USH2A: variants seen among roughly 807,000 people sequenced by gnomAD.
USH2A encodes Usher syndrome 2A (autosomal recessive, mild).
A neutral mutation model predicts 538.9 loss-of-function variants in USH2A; 443 were observed. The observed-to-expected ratio is 0.82, with a 90% confidence interval of 0.76 to 0.89. The LOEUF (loss-of-function observed/expected upper bound fraction) is 0.89. USH2A is among the 40% of genes least tolerant of loss of function. USH2A has a pLI of 0.00. For synonymous variants in USH2A, 2,413 were observed against 2,273.5 expected, an observed-to-expected ratio of 1.06 and a Z score of -1.75; for missense variants, 6,633 against 6,324.8, an observed-to-expected ratio of 1.05 and a Z score of -1.65.
chr1:216,112,918 G>C (rs559565241), intron 21 of USH2A, among the ~76,000 whole-genome samples: 3 of 151,828 alleles, frequency 2.0e-5, no homozygotes, highest in Non-Finnish European at 4.4e-5. Flanking sequence ...ATGAACACCC[G>C]CGAGCATGTG....
intron 29 of USH2A, chr1:216,072,581 C>G (rs570645070): frequency 4.9e-6 from 2 of 406,538 alleles, no homozygotes; most frequent in South Asian, 4.3e-5. Flanking sequence ...GTAAAGGTTA[C>G]CTATCCTTAG....
At chr1:216,310,771 C>A (rs76950889) in intron 9 of USH2A, among the ~76,000 whole-genome samples, 2,107 of 152,286 alleles carry the variant, frequency 0.014, 15 homozygotes, top group South Asian at 0.026. Flanking sequence ...ACTGAGTTTT[C>A]TTAAAACTGC....
chr1:215,779,752 T>C, intron 55 of USH2A, 91 bp downstream of exon 55: 4 of 1,478,242 alleles, frequency 2.7e-6, no homozygotes, highest in Non-Finnish European at 3.7e-6. Context: ...AGTGACCTCA[T>C]ATATCAAACA....
chr1:216,283,441 T>C (rs1174312832), intron 11 of USH2A, among the ~76,000 whole-genome samples: 1 of 152,202 alleles, frequency 6.6e-6, no homozygotes, highest in Non-Finnish European at 1.5e-5. Flanking sequence ...ATTTTCTATC[T>C]ATAAGATAAT....
chr1:215,877,734 T>C, intron 43 of USH2A, 24 bp downstream of exon 43: 2 of 1,613,008 alleles, frequency 1.2e-6, no homozygotes, highest in Non-Finnish European at 1.7e-6. Context: ...CCAGCATTTG[T>C]TTTTATAGTT....
At chr1:215,667,958 T>C (rs2102658646) in intron 64 of USH2A, among the ~76,000 whole-genome samples, 1 of 152,172 alleles carries the variant, frequency 6.6e-6, no homozygotes, top group East Asian at 1.9e-4. Flanking sequence ...CAGCTGATAC[T>C]TGCAAGGCAC....
intron 21 of USH2A, among the ~76,000 whole-genome samples, chr1:216,151,666 C>G (rs939214786): frequency 6.6e-6 from 1 of 152,096 alleles, no homozygotes; most frequent in South Asian, 2.1e-4. Flanking sequence ...CCAAAACCGC[C>G]GAGGCCTTGA....
intron 42 of USH2A, among the ~76,000 whole-genome samples, 159 bp from the exon 43 acceptor site, chr1:215,878,039 G>GT (rs373566549): frequency 5.3e-5 from 8 of 149,954 alleles, no homozygotes; most frequent in East Asian, 1.9e-4. Flanking sequence ...TCAGATGAAC[G>GT]TTTTTTTTTC....
At chr1:216,257,478 A>T (rs1023839333) in intron 11 of USH2A, among the ~76,000 whole-genome samples, 2 of 151,832 alleles carry the variant, frequency 1.3e-5, no homozygotes, top group Admixed American at 1.3e-4. Flanking sequence ...AAAATTTATC[A>T]CTAGCTTTGA....
chr1:215,823,308 C>G (rs1363362478), intron 47 of USH2A, among the ~76,000 whole-genome samples: 2 of 151,994 alleles, frequency 1.3e-5, no homozygotes, highest in Non-Finnish European at 2.9e-5. Context: ...TTATTGTATG[C>G]AGTACTTTTA....
intron 25 of USH2A, 92 bp from the exon 26 acceptor site, chr1:216,083,678 C>A: frequency 7.8e-7 from 1 of 1,277,438 alleles, no homozygotes; most frequent in Non-Finnish European, 1.1e-6. Flanking sequence ...CACAGTCTGC[C>A]ACTGAGTAAA....
chr1:215,942,224 T>A (rs557846203), intron 37 of USH2A, among the ~76,000 whole-genome samples: 1 of 152,274 alleles, frequency 6.6e-6, no homozygotes, highest in South Asian at 2.1e-4. Context: ...TTGTGTTGCC[T>A]GGCGTTCACC....
chr1:216,072,579 T>C, intron 29 of USH2A: 1 of 404,940 alleles, frequency 2.5e-6, no homozygotes, highest in East Asian at 5.9e-5. Context: ...CTGTAAAGGT[T>C]ACCTATCCTT....
At chr1:216,396,050 A>G (rs2039206465) in intron 3 of USH2A, among the ~76,000 whole-genome samples, 1 of 152,192 alleles carries the variant, frequency 6.6e-6, no homozygotes, top group Non-Finnish European at 1.5e-5. Flanking sequence ...GTCAAGGGGC[A>G]GTGACAGTAC....
intron 19 of USH2A, chr1:216,195,926 G>A (rs949138111): frequency 1.2e-5 from 2 of 168,460 alleles, no homozygotes; most frequent in Admixed American, 6.5e-5. Flanking sequence ...TAGGATTGCT[G>A]TATGTATCAG....
At chr1:215,932,357 C>T (rs1220453434) in intron 38 of USH2A, among the ~76,000 whole-genome samples, 14 of 151,962 alleles carry the variant, frequency 9.2e-5, no homozygotes, top group Admixed American at 2.0e-4. Flanking sequence ...TAATAACTCT[C>T]AGTACTAATT....
At chr1:216,024,811 T>C (rs1253942317) in intron 32 of USH2A, among the ~76,000 whole-genome samples, 1 of 151,978 alleles carries the variant, frequency 6.6e-6, no homozygotes, top group African/African-American at 2.4e-5. Context: ...GGGTTATAAT[T>C]CCCAAACTTC....
chr1:216,130,865 T>G (rs1458054207), intron 21 of USH2A, among the ~76,000 whole-genome samples: 1 of 151,828 alleles, frequency 6.6e-6, no homozygotes, highest in Admixed American at 6.6e-5. Flanking sequence ...GTAGTTTTAG[T>G]TCTGTAAGGA....
rs370339612 is a variant in USH2A, at chr1:215,680,325, G to A, written c.12118C>T (p.Arg4040Cys). Residue 4040 changes from arginine to cysteine, a missense_variant, in exon 62 of 72, where the codon CGC becomes TGC. Transcript: ENST00000307340. ...LYGLEPFTTY[R>C]IGVVAANHAG... ...TGGTTTGCAGCCACAACACCAATGC[G>A]ATATGTTGTGAATGGTTCTAACCCG... is the stretch of plus-strand genomic sequence containing the variant. 20 of 1,613,878 alleles carry A rather than the reference G, an allele frequency of 1.2e-5. No homozygotes were observed. Among genetic ancestry groups the A allele is most frequent in the African/African-American group, 8.0e-5 (6 of 74,872 alleles).
Sources: allele counts gnomAD v4.1 joint callset (sites outside exome capture counted in the v4.1 genomes callset), GRCh38; gene constraint gnomAD v4.1.1; transcripts MANE v1.5; gene names NCBI Gene and HGNC (gene_info 2026-07-23, HGNC 2026-07-21).